The following SGCZ variants were observed in gnomAD, a reference collection of about 807,000 sequenced individuals.
SGCZ encodes the protein sarcoglycan zeta, also known as zeta-sarcoglycan.
SGCZ carries 40 observed loss-of-function variants against 41.3 expected under a neutral mutation model. That is an observed-to-expected ratio of 0.97 (90% CI 0.75 to 1.26). The LOEUF is 1.26. Ranked by LOEUF, SGCZ falls within the 50% of genes most tolerant of loss-of-function variation. The pLI, the probability that SGCZ is intolerant of heterozygous loss-of-function variation, is 0.00. For synonymous variants in SGCZ, 206 were observed against 137.5 expected, an observed-to-expected ratio of 1.50 and a Z score of -3.49; for missense variants, 552 against 369.8, an observed-to-expected ratio of 1.49 and a Z score of -4.04.
chr8:14,300,977 A>T (rs1298871785), intron 3 of SGCZ, among the ~76,000 whole-genome samples: 1 of 151,938 alleles, frequency 6.6e-6, no homozygotes, highest in African/African-American at 2.4e-5. Context: ...CAACCAGAAA[A>T]GATATAGCCA....
chr8:14,147,537 C>T (rs73522501), intron 5 of SGCZ, among the ~76,000 whole-genome samples: 3,232 of 152,166 alleles, frequency 0.021, 138 homozygotes, highest in African/African-American at 0.074. Context: ...TAGATCTGCA[C>T]CCAACACTGG....
intron 4 of SGCZ, among the ~76,000 whole-genome samples, chr8:14,198,470 G>A (rs1291168230): frequency 1.3e-5 from 2 of 152,088 alleles, no homozygotes; most frequent in African/African-American, 4.8e-5. Context: ...GCCAAGGGTT[G>A]TAAAACTACC....
chr8:14,617,040 G>C (rs13260069), intron 1 of SGCZ, among the ~76,000 whole-genome samples: 1 of 151,682 alleles, frequency 6.6e-6, no homozygotes, highest in African/African-American at 2.4e-5. Context: ...TCAGATATTA[G>C]GAAGAGAAAA....
intron 4 of SGCZ, among the ~76,000 whole-genome samples, chr8:14,230,488 A>G (rs904573483): frequency 3.9e-4 from 59 of 152,244 alleles, no homozygotes; most frequent in African/African-American, 1.3e-3. Flanking sequence ...AGTAATGTAC[A>G]TAAGGTCACA....
chr8:14,422,983 A>G (rs1238703082), intron 2 of SGCZ, among the ~76,000 whole-genome samples: 1 of 152,158 alleles, frequency 6.6e-6, no homozygotes. Context: ...AGCCATGATC[A>G]TGCCATTGTA....
At chr8:14,955,336 C>A (rs1800758744) in intron 1 of SGCZ, among the ~76,000 whole-genome samples, 1 of 152,158 alleles carries the variant, frequency 6.6e-6, no homozygotes, top group Non-Finnish European at 1.5e-5. Flanking sequence ...ATCAGTTTGT[C>A]CTTCCAAACA....
chr8:14,567,672 A>G (rs1804416099), intron 1 of SGCZ, among the ~76,000 whole-genome samples: 2 of 152,130 alleles, frequency 1.3e-5, no homozygotes, highest in Admixed American at 6.5e-5. Flanking sequence ...GCTCTTTGCA[A>G]TAAGTCTTGA....
chr8:14,721,570 T>C (rs761337391), intron 1 of SGCZ, among the ~76,000 whole-genome samples: 1 of 152,166 alleles, frequency 6.6e-6, no homozygotes, highest in Non-Finnish European at 1.5e-5. Context: ...ACAGAATCCG[T>C]CTACTTCTCA....
At chr8:14,445,112 G>A (rs1166138777) in intron 2 of SGCZ, among the ~76,000 whole-genome samples, 1 of 152,186 alleles carries the variant, frequency 6.6e-6, no homozygotes, top group Non-Finnish European at 1.5e-5. Flanking sequence ...GAAATATCTT[G>A]ATCCAAAGGG....
chr8:15,047,361 G>A (rs1804348927), intron 1 of SGCZ, among the ~76,000 whole-genome samples: 2 of 151,964 alleles, frequency 1.3e-5, no homozygotes, highest in Non-Finnish European at 2.9e-5. Flanking sequence ...GTCAAATCCT[G>A]TCCTTGAGGG....
At chr8:14,403,762 G>A (rs574699813) in intron 2 of SGCZ, among the ~76,000 whole-genome samples, 3 of 152,204 alleles carry the variant, frequency 2.0e-5, no homozygotes, top group East Asian at 3.9e-4. Flanking sequence ...CCTTACTGAA[G>A]TTTAAGAAAA....
At chr8:14,688,793 T>C (rs1052043955) in intron 1 of SGCZ, among the ~76,000 whole-genome samples, 11 of 151,982 alleles carry the variant, frequency 7.2e-5, no homozygotes, top group Admixed American at 6.6e-5. Context: ...AAATAAAGGG[T>C]ATTCAATTAG....
chr8:14,833,267 T>G (rs1802591608), intron 1 of SGCZ, among the ~76,000 whole-genome samples: 1 of 152,092 alleles, frequency 6.6e-6, no homozygotes, highest in African/African-American at 2.4e-5. Context: ...GATGACAAAT[T>G]CAAGCACCTA....
intron 1 of SGCZ, among the ~76,000 whole-genome samples, chr8:14,784,089 C>T (rs1419208726): frequency 1.3e-5 from 2 of 149,784 alleles, no homozygotes. Context: ...CGCTCTCTGG[C>T]TTCCAGGCCA....
chr8:14,811,068 C>G (rs984547673), intron 1 of SGCZ, among the ~76,000 whole-genome samples: 1 of 151,752 alleles, frequency 6.6e-6, no homozygotes, highest in Non-Finnish European at 1.5e-5. Flanking sequence ...GAAAGCTAAG[C>G]TTATATAAAA....
At chr8:14,526,215 A>C (rs1802945075) in intron 2 of SGCZ, among the ~76,000 whole-genome samples, 1 of 152,114 alleles carries the variant, frequency 6.6e-6, no homozygotes, top group African/African-American at 2.4e-5. Flanking sequence ...TAAGTGTAAT[A>C]TTTGACAGCA....
chr8:14,673,149 G>A (rs570827080), intron 1 of SGCZ, among the ~76,000 whole-genome samples: 3 of 152,276 alleles, frequency 2.0e-5, no homozygotes, highest in African/African-American at 7.2e-5. Flanking sequence ...AACATAGTGA[G>A]TGTTATGATG....
intron 1 of SGCZ, among the ~76,000 whole-genome samples, chr8:15,177,574 G>A (rs1195686621): frequency 1.3e-5 from 2 of 152,146 alleles, no homozygotes; most frequent in South Asian, 2.1e-4. Context: ...TTTGCAAAAT[G>A]TTGATAGGCC....
intron 1 of SGCZ, among the ~76,000 whole-genome samples, chr8:14,778,177 G>A (rs1175812223): frequency 1.3e-5 from 2 of 151,912 alleles, no homozygotes; most frequent in Non-Finnish European, 2.9e-5. Context: ...ATCCTCCCTC[G>A]ATCTCCTAAA....
Sources: allele counts gnomAD v4.1 joint callset (sites outside exome capture counted in the v4.1 genomes callset), GRCh38; gene constraint gnomAD v4.1.1; transcripts MANE v1.5; gene names NCBI Gene and HGNC (gene_info 2026-07-23, HGNC 2026-07-21).